Variants in MALRD1 observed in about 807,000 individuals in gnomAD.
MALRD1 encodes MAM and LDL-receptor class A domain-containing protein 1.
Under a neutral mutation model 242.1 loss-of-function variants are expected in MALRD1, and 247 were observed. The ratio of observed to expected loss-of-function variants is 1.02; its 90% CI spans 0.92 to 1.13. The LOEUF (loss-of-function observed/expected upper bound fraction) is 1.13, where lower values mean the gene tolerates loss of function less well. Among genes scored for constraint, MALRD1 ranks in the 50% most tolerant of loss-of-function variants. MALRD1 has a pLI of 0.00. For missense variants in MALRD1, 2,989 were observed against 2,533.1 expected, an observed-to-expected ratio of 1.18 and a Z score of -3.86; for synonymous variants, 995 against 866.6, an observed-to-expected ratio of 1.15 and a Z score of -2.60.
intron 5 of MALRD1, among the ~76,000 whole-genome samples, chr10:19,112,074 T>C (rs554737483): frequency 2.6e-5 from 4 of 151,990 alleles, no homozygotes; most frequent in Non-Finnish European, 4.4e-5. Context: ...CAGGGAGTGA[T>C]TGATTCTGGG....
intron 29 of MALRD1, among the ~76,000 whole-genome samples, chr10:19,470,480 A>G (rs1431965725): frequency 6.6e-6 from 1 of 152,002 alleles, no homozygotes; most frequent in African/African-American, 2.4e-5. Flanking sequence ...TCAGTTTATT[A>G]TGATAGTTTT....
Position 19,598,789 on chromosome 10 carries a change from G to C in MALRD1, c.5944+3332G>C, listed in dbSNP as rs867361376. The stretch of plus-strand genomic sequence containing the variant: ...GAGGATAGAGATAAAGTGGCAGGCA[G>C]AACCTGAAAGAACAGCTAAAAGACT... On this transcript the variant is annotated intron_variant, in intron 34 of 39. Coordinates refer to ENST00000454679, the MANE Select transcript of MALRD1 (RefSeq NM_001142308.3). Among the ~76,000 whole-genome samples the C allele has an allele frequency of 2.6e-5, 4 of 152,124 alleles. No individual in the cohort carries two copies. In the South Asian group the frequency reaches 6.2e-4, roughly 24 times the overall value.
chr10:19,352,346 T>C, intron 26 of MALRD1, 49 bp downstream of exon 26: 1 of 1,485,928 alleles, frequency 6.7e-7, no homozygotes, highest in African/African-American at 1.4e-5. Context: ...TGGTGAAAGG[T>C]GAAAAGGAAG....
In MALRD1 at chr10:19,352,226, T is replaced by C. The variant is rs1333486147; in HGVS notation, c.4370T>C (p.Ile1457Thr). ...GQRGDIALDD[I>T]VLTENCLSLH... ...CGTGGAGACATTGCACTTGATGACA[T>C]TGTGCTTACAGAAAATTGTCTATCA... is the stretch of plus-strand genomic sequence containing the variant. The change falls in exon 26 of 40, where the codon ATT becomes ACT. Residue 1457 changes from isoleucine (I) to threonine (T), a missense_variant. By Grantham distance (89) the Ile-to-Thr change is moderately conservative. Coordinates refer to ENST00000454679, the MANE Select transcript of MALRD1 (RefSeq NM_001142308.3). 1.9e-6 allele frequency: 3 copies of C among 1,550,426 alleles called. No individual in the cohort carries two copies. Among genetic ancestry groups the C allele is most frequent in the Non-Finnish European group, 8.7e-7 (1 of 1,146,888 alleles).
At chr10:19,710,270 T>C (rs1203336687) in intron 38 of MALRD1, 2 of 141,998 alleles carry the variant, frequency 1.4e-5, no homozygotes, top group Non-Finnish European at 3.0e-5. Flanking sequence ...CCAATGTTAC[T>C]AACAAGGATA....
intron 28 of MALRD1, among the ~76,000 whole-genome samples, chr10:19,411,689 T>G (rs1016393284): frequency 1.3e-5 from 2 of 152,156 alleles, no homozygotes; most frequent in Non-Finnish European, 2.9e-5. Context: ...GGTTTAGGAC[T>G]CAAAGGTTTA....
At chr10:19,447,884 G>T (rs1451120737) in intron 28 of MALRD1, among the ~76,000 whole-genome samples, 1 of 152,132 alleles carries the variant, frequency 6.6e-6, no homozygotes, top group Non-Finnish European at 1.5e-5. Flanking sequence ...AATTAGGTGT[G>T]AATTCTCCAC....
chr10:19,383,122 G>C (rs1354544411), intron 26 of MALRD1, among the ~76,000 whole-genome samples: 1 of 152,012 alleles, frequency 6.6e-6, no homozygotes, highest in African/African-American at 2.4e-5. Context: ...ATATCATGGG[G>C]GTTTGGTGTA....
At position 19,702,455 on chromosome 10, in the gene MALRD1, A is replaced by C. The variant is rs115363637; in HGVS notation, c.6314+9901A>C. On this transcript the variant is annotated intron_variant, in intron 38 of 39. Coordinates refer to ENST00000454679, the MANE Select transcript of MALRD1 (RefSeq NM_001142308.3). ...ATGCTTTCCTCAGCAACAATGTTAT[A>C]GCAATGATGACATCATGTTGTAACA... is the stretch of plus-strand genomic sequence containing the variant. 6.0e-3 allele frequency among the ~76,000 whole-genome samples: 907 copies of C among 152,344 alleles called. 10 individuals are homozygous for C. Among genetic ancestry groups the C allele is most frequent in the African/African-American group, 0.021 (868 of 41,580 alleles).
At chr10:19,575,604 G>C (rs1008351883) in intron 33 of MALRD1, among the ~76,000 whole-genome samples, 1 of 151,970 alleles carries the variant, frequency 6.6e-6, no homozygotes, top group Non-Finnish European at 1.5e-5. Flanking sequence ...TTTTGTTTCA[G>C]TTGGTAAAGA....
intron 36 of MALRD1, among the ~76,000 whole-genome samples, chr10:19,616,745 A>G (rs73595865): frequency 0.027 from 4,101 of 152,098 alleles, 167 homozygotes; most frequent in African/African-American, 0.092. Flanking sequence ...AGTTTAGAAA[A>G]AGTAATTTAT....
At chr10:19,064,587 C>T (rs1834914470) in intron 1 of MALRD1, among the ~76,000 whole-genome samples, 1 of 151,146 alleles carries the variant, frequency 6.6e-6, no homozygotes, top group Admixed American at 6.6e-5. Context: ...CCTGTTGAGA[C>T]TATTTAGATG....
chr10:19,063,547 T>C (rs1293182796), intron 1 of MALRD1, among the ~76,000 whole-genome samples: 1 of 152,196 alleles, frequency 6.6e-6, no homozygotes, highest in East Asian at 1.9e-4. Context: ...AATATTTTTC[T>C]TTCCTTGTGA....
chr10:19,181,694 A>C (rs1027576840), intron 14 of MALRD1, among the ~76,000 whole-genome samples: 1 of 152,050 alleles, frequency 6.6e-6, no homozygotes, highest in African/African-American at 2.4e-5. Context: ...TTGAGATTTG[A>C]GATTTGATAA....
chr10:19,199,731 G>A (rs1205002814), intron 14 of MALRD1, among the ~76,000 whole-genome samples: 1 of 152,020 alleles, frequency 6.6e-6, no homozygotes, highest in African/African-American at 2.4e-5. Flanking sequence ...AACCCGGGAG[G>A]TGGAGGTTGC....
chr10:19,339,611 CAAGTACTAACT>C (rs1843753867), intron 24 of MALRD1, among the ~76,000 whole-genome samples: 1 of 152,196 alleles, frequency 6.6e-6, no homozygotes, highest in East Asian at 1.9e-4. Context: ...CACTCCATTA[CAAGTACTAACT>C]TCTGCATAAG....
At chr10:19,626,801 A>T (rs1839675966) in intron 36 of MALRD1, among the ~76,000 whole-genome samples, 1 of 152,122 alleles carries the variant, frequency 6.6e-6, no homozygotes, top group Admixed American at 6.5e-5. Context: ...ACCATTAGCC[A>T]ATTAATTACA....
In MALRD1 at chr10:19,570,848, T is replaced by C. The variant is rs545226277; in HGVS notation, c.5680+3145T>C. Among the ~76,000 whole-genome samples, 4 of 152,234 alleles carry C rather than the reference T, an allele frequency of 2.6e-5. No homozygotes were observed. The East Asian group carries it at 7.7e-4, about 29-fold the overall frequency. The stretch of plus-strand genomic sequence containing the variant: ...CTTCATGGTATTTTTCTTCCATATT[T>C]TTAAATGTCTTCTTAAAACTGTGTT... On this transcript the variant is annotated intron_variant, in intron 33 of 39. Transcript: ENST00000454679.
intron 31 of MALRD1, 148 bp downstream of exon 31, chr10:19,498,794 T>C (rs1037408848): frequency 2.1e-6 from 2 of 930,460 alleles, no homozygotes; most frequent in Non-Finnish European, 3.1e-6. Context: ...GTCTCTTCTA[T>C]TGCAAACTCT....
Sources: gnomAD v4.1 joint callset for allele counts (sites outside exome capture counted in the v4.1 genomes callset) on GRCh38, gnomAD v4.1.1 for gene constraint, MANE v1.5 for transcripts, NCBI Gene and HGNC (gene_info 2026-07-23, HGNC 2026-07-21) for gene names.